The following SPECC1 variants were observed in gnomAD, a reference collection of about 807,000 sequenced individuals.
SPECC1 encodes the protein cytospin-B.
SPECC1 carries 62 observed loss-of-function variants against 104.1 expected under a neutral mutation model. The observed-to-expected ratio is 0.60, with a 90% CI of 0.49 to 0.74. SPECC1 has a LOEUF of 0.74. SPECC1 is among the 30% of genes least tolerant of loss of function. The pLI is 0.00. For missense variants in SPECC1, 1,306 were observed against 1,310.5 expected (o/e 1.00, Z 0.05); for synonymous variants, 513 against 501.6 (o/e 1.02, Z -0.30).
chr17:20,059,351 A>G (rs886907131), intron 1 of SPECC1, among the ~76,000 whole-genome samples: 5 of 152,084 alleles, frequency 3.3e-5, no homozygotes, highest in Non-Finnish European at 7.4e-5. Flanking sequence ...CTCAGTTCAC[A>G]ATAGGGTTCA....
chr17:20,071,546 C>T (rs1004038803), intron 1 of SPECC1, among the ~76,000 whole-genome samples: 1 of 152,122 alleles, frequency 6.6e-6, no homozygotes, highest in African/African-American at 2.4e-5. Context: ...ATTGGAATTA[C>T]AACACATTTA....
At chr17:20,271,048 C>T (rs907435468) in intron 12 of SPECC1, among the ~76,000 whole-genome samples, 51 of 152,192 alleles carry the variant, frequency 3.4e-4, no homozygotes, top group African/African-American at 1.2e-3. Flanking sequence ...CTTTTTTCCT[C>T]AAAATTTGTG....
intron 12 of SPECC1, among the ~76,000 whole-genome samples, chr17:20,289,015 C>T (rs369579053): frequency 5.9e-5 from 9 of 152,006 alleles, no homozygotes; most frequent in East Asian, 5.8e-4. Flanking sequence ...GAACTCCTGA[C>T]CTCGTGATCC....
chr17:20,269,599 C>T (rs764467884), intron 12 of SPECC1, among the ~76,000 whole-genome samples: 4 of 152,182 alleles, frequency 2.6e-5, no homozygotes, highest in African/African-American at 7.2e-5. Context: ...GTCTCAAACT[C>T]CCGACCTCAG....
chr17:20,214,177 G>C (rs2037341662), intron 4 of SPECC1, among the ~76,000 whole-genome samples: 1 of 152,294 alleles, frequency 6.6e-6, no homozygotes, highest in African/African-American at 2.4e-5. Flanking sequence ...TAGCCTCCCA[G>C]AGTGCTGAAG....
chr17:20,038,938 A>G (rs2045209335), intron 1 of SPECC1, among the ~76,000 whole-genome samples: 2 of 152,224 alleles, frequency 1.3e-5, no homozygotes, highest in South Asian at 4.1e-4. Context: ...GTTTTTAAAA[A>G]GCGTTAGATA....
chr17:20,275,188 C>T (rs997521202), intron 12 of SPECC1, among the ~76,000 whole-genome samples: 3 of 152,038 alleles, frequency 2.0e-5, no homozygotes, highest in Non-Finnish European at 4.4e-5. Flanking sequence ...TTGTACATAT[C>T]TGGGGGCAAA....
chr17:20,055,154 G>A (rs2045914651), intron 1 of SPECC1, among the ~76,000 whole-genome samples: 1 of 151,842 alleles, frequency 6.6e-6, no homozygotes, highest in African/African-American at 2.4e-5. Flanking sequence ...GTCTATTTTT[G>A]GTATCTCATA....
chr17:20,100,236 C>G (rs545728531), intron 2 of SPECC1, among the ~76,000 whole-genome samples: 1 of 152,284 alleles, frequency 6.6e-6, no homozygotes, highest in African/African-American at 2.4e-5. Flanking sequence ...AGGGAAGGAG[C>G]AGCAGAAAGA....
At chr17:20,229,361 T>C (rs568585489) in intron 5 of SPECC1, among the ~76,000 whole-genome samples, 39 of 152,212 alleles carry the variant, frequency 2.6e-4, no homozygotes, top group African/African-American at 7.9e-4. Context: ...TTCGGTGTTA[T>C]TGAATCAACA....
intron 1 of SPECC1, among the ~76,000 whole-genome samples, chr17:20,072,759 C>G (rs1597650549): frequency 6.6e-6 from 1 of 152,350 alleles, no homozygotes; most frequent in Non-Finnish European, 1.5e-5. Flanking sequence ...AGCAGACTGG[C>G]TGCCTTCCAC....
chr17:20,096,203 A>G (rs2047635623), intron 1 of SPECC1, among the ~76,000 whole-genome samples: 1 of 152,214 alleles, frequency 6.6e-6, no homozygotes, highest in Non-Finnish European at 1.5e-5. Context: ...TCTTTCAAGT[A>G]ATTCATTTAT....
chr17:20,181,040 C>T (rs965196074), intron 3 of SPECC1, among the ~76,000 whole-genome samples: 1 of 152,052 alleles, frequency 6.6e-6, no homozygotes, highest in Admixed American at 6.6e-5. Flanking sequence ...ACAAAAACTA[C>T]CTTGGAGTTA....
At chr17:20,297,383 A>G (rs552023988) in intron 13 of SPECC1, among the ~76,000 whole-genome samples, 1 of 152,370 alleles carries the variant, frequency 6.6e-6, no homozygotes, top group Admixed American at 6.5e-5. Flanking sequence ...AGTCTTGGAC[A>G]CTGTATATTG....
At chr17:20,074,639 T>C (rs1421631089) in intron 1 of SPECC1, among the ~76,000 whole-genome samples, 1 of 152,118 alleles carries the variant, frequency 6.6e-6, no homozygotes, top group Admixed American at 6.6e-5. Flanking sequence ...CAGAACTCAC[T>C]GGTGTGGCTG....
At chr17:20,016,774 C>A (rs548397943) in intron 1 of SPECC1, among the ~76,000 whole-genome samples, 1 of 152,258 alleles carries the variant, frequency 6.6e-6, no homozygotes, top group Admixed American at 6.5e-5. Flanking sequence ...CCACGGCGCC[C>A]AGTCCCATCG....
chr17:20,190,436 C>T (rs1329378381), intron 3 of SPECC1, among the ~76,000 whole-genome samples: 2 of 152,004 alleles, frequency 1.3e-5, no homozygotes, highest in African/African-American at 2.4e-5. Flanking sequence ...TCTTGTCCCT[C>T]TTCTCAAAGG....
intron 1 of SPECC1, among the ~76,000 whole-genome samples, chr17:20,038,951 A>C (rs1260322019): frequency 2.0e-5 from 3 of 152,206 alleles, no homozygotes; most frequent in African/African-American, 7.2e-5. Context: ...GTTAGATATA[A>C]TCCACATACC....
At chr17:20,171,848 A>T (rs1364149339) in intron 3 of SPECC1, among the ~76,000 whole-genome samples, 1 of 152,200 alleles carries the variant, frequency 6.6e-6, no homozygotes, top group East Asian at 1.9e-4. Context: ...TGGTCAGCCC[A>T]CACCATGGTC....
Sources: allele counts gnomAD v4.1 joint callset (sites outside exome capture counted in the v4.1 genomes callset), GRCh38; gene constraint gnomAD v4.1.1; transcripts MANE v1.5; gene names NCBI Gene and HGNC (gene_info 2026-07-23, HGNC 2026-07-21).